ERC1: variants seen among roughly 807,000 people sequenced by gnomAD.
ERC1 encodes the protein ELKS/RAB6-interacting/CAST family member 1, also known as RAB6 interacting protein 2.
ERC1 carries 56 observed loss-of-function variants against 132.0 expected under a neutral mutation model. The observed-to-expected ratio is 0.42, with a 90% CI of 0.34 to 0.53. The LOEUF (loss-of-function observed/expected upper bound fraction) is 0.53, where lower values mean the gene tolerates loss of function less well. ERC1 is among the 20% of genes least tolerant of loss of function. The pLI is 0.03. For synonymous variants in ERC1, 478 were observed against 476.1 expected, an observed-to-expected ratio of 1.00 and a Z score of -0.05; for missense variants, 1,202 against 1,349.9, an observed-to-expected ratio of 0.89 and a Z score of 1.72.
chr12:991,713 A>T (rs1480769560), intron 1 of ERC1: 1 of 152,212 alleles, frequency 6.6e-6, no homozygotes, highest in Non-Finnish European at 1.5e-5. Context: ...AGGACTAGTG[A>T]AGCCGCGGAC....
intron 17 of ERC1, chr12:1,410,342 C>A: frequency 2.3e-6 from 2 of 880,560 alleles, no homozygotes; most frequent in Non-Finnish European, 3.3e-6. Flanking sequence ...CTTTTTCATT[C>A]CATGCTGCCC....
At chr12:1,219,119 C>A (rs147039054) in intron 12 of ERC1, among the ~76,000 whole-genome samples, 1 of 152,004 alleles carries the variant, frequency 6.6e-6, no homozygotes, top group African/African-American at 2.4e-5. Flanking sequence ...GTGATCCACC[C>A]GCCTTGGCCT....
intron 8 of ERC1, among the ~76,000 whole-genome samples, chr12:1,160,366 G>A (rs1951776989): frequency 1.3e-5 from 2 of 152,114 alleles, no homozygotes; most frequent in East Asian, 1.9e-4. Context: ...AGCTCACTTT[G>A]TTTGCAGGTC....
At chr12:1,009,345 T>C (rs890064541) in intron 1 of ERC1, among the ~76,000 whole-genome samples, 6 of 152,100 alleles carry the variant, frequency 3.9e-5, no homozygotes, top group African/African-American at 1.4e-4. Flanking sequence ...CGGCTAATTT[T>C]TTGTATTTTT....
intron 15 of ERC1, among the ~76,000 whole-genome samples, chr12:1,302,756 A>G (rs879833837): frequency 1.3e-5 from 2 of 152,116 alleles, no homozygotes; most frequent in Admixed American, 1.3e-4. Context: ...GCTTGAGCCC[A>G]GGAGTTCAGG....
intron 15 of ERC1, among the ~76,000 whole-genome samples, chr12:1,347,672 A>G (rs137903281): frequency 3.5e-4 from 54 of 152,344 alleles, no homozygotes; most frequent in African/African-American, 1.2e-3. Context: ...TCCCAGGTTA[A>G]GAATTCAAGG....
intron 8 of ERC1, among the ~76,000 whole-genome samples, chr12:1,148,382 C>G (rs1050140139): frequency 1.3e-5 from 2 of 152,118 alleles, no homozygotes; most frequent in Non-Finnish European, 2.9e-5. Flanking sequence ...GAGACAGACA[C>G]ACACACACAC....
intron 12 of ERC1, among the ~76,000 whole-genome samples, chr12:1,203,257 C>T (rs916816984): frequency 9.2e-5 from 14 of 152,128 alleles, no homozygotes; most frequent in Non-Finnish European, 7.4e-5. Flanking sequence ...GGGGTTTCAC[C>T]GTGTTGGCTA....
intron 2 of ERC1, among the ~76,000 whole-genome samples, chr12:1,052,445 G>A (rs186705491): frequency 4.6e-5 from 7 of 152,130 alleles, no homozygotes; most frequent in East Asian, 1.9e-4. Flanking sequence ...ATAATAAACC[G>A]CTGTGTTTTA....
intron 15 of ERC1, among the ~76,000 whole-genome samples, chr12:1,354,515 C>T (rs1455179354): frequency 7.1e-6 from 1 of 139,918 alleles, no homozygotes; most frequent in Admixed American, 7.1e-5. Context: ...AAGAGTGAAA[C>T]TCCATCTTAA....
chr12:1,122,575 C>A lies in ERC1; in HGVS notation c.1569+6542C>A, dbSNP rs12301993. On this transcript the variant is annotated intron_variant, in intron 7 of 18. Coordinates refer to ENST00000360905, the MANE Select transcript of ERC1 (RefSeq NM_178040.4). ...TCTATCTCTATCTCTATCTGTGTCT[C>A]TATCTCTATCTCTATCTCTATCTGT... 4.4e-3 allele frequency among the ~76,000 whole-genome samples: 41 copies of A among 9,374 alleles called. 4 individuals carry two copies. The highest frequency in any genetic ancestry group is 0.015 in the South Asian group (4 of 260). The allele number at this position is 9,374 out of a possible 152,430, so 6.1% of individuals were successfully genotyped here.
intron 7 of ERC1, among the ~76,000 whole-genome samples, chr12:1,131,431 A>T (rs1322627975): frequency 6.6e-6 from 1 of 152,210 alleles, no homozygotes; most frequent in African/African-American, 2.4e-5. Context: ...TTATTGATTT[A>T]AAACAAAGGA....
intron 2 of ERC1, among the ~76,000 whole-genome samples, chr12:1,049,230 T>A (rs1301545014): frequency 1.3e-5 from 2 of 152,196 alleles, no homozygotes; most frequent in Non-Finnish European, 2.9e-5. Context: ...TCCTCAGAAG[T>A]CACTGTTCTG....
chr12:1,230,028 T>C (rs1306901434), intron 12 of ERC1, among the ~76,000 whole-genome samples: 1 of 144,582 alleles, frequency 6.9e-6, no homozygotes, highest in Non-Finnish European at 1.5e-5. Context: ...TTTTTTTGAG[T>C]TGGAGTCTCA....
intron 8 of ERC1, among the ~76,000 whole-genome samples, chr12:1,154,949 CTG>C (rs1951226012): frequency 6.6e-6 from 1 of 152,214 alleles, no homozygotes; most frequent in African/African-American, 2.4e-5. Context: ...CTCTTACACA[CTG>C]TTGGAGCAAA....
At chr12:1,372,090 T>C in intron 16 of ERC1, 113 bp downstream of exon 16, 1 of 1,244,178 alleles carries the variant, frequency 8.0e-7, no homozygotes, top group Non-Finnish European at 1.1e-6. Context: ...AGACATCTGA[T>C]CATTGGAGCT....
At chr12:1,224,004 G>C (rs1487643342) in intron 12 of ERC1, among the ~76,000 whole-genome samples, 1 of 152,096 alleles carries the variant, frequency 6.6e-6, no homozygotes, top group African/African-American at 2.4e-5. Flanking sequence ...TAAGGAAAAA[G>C]AAGGAAATTC....
intron 15 of ERC1, among the ~76,000 whole-genome samples, chr12:1,321,481 A>G (rs2082115107): frequency 6.6e-6 from 1 of 152,206 alleles, no homozygotes; most frequent in Non-Finnish European, 1.5e-5. Flanking sequence ...AGTTGTCAGC[A>G]TGGAAAATGC....
rs141289090 is a variant in ERC1, at chr12:1,421,628, A to C, written c.3024+13381A>C. Among the ~76,000 whole-genome samples, 312 of 152,320 alleles carry C rather than the reference A, an allele frequency of 2.0e-3. 3 individuals carry two copies. Among genetic ancestry groups the C allele is most frequent in the African/African-American group, 7.1e-3 (296 of 41,578 alleles). ...CTTAAAGACCAATCTTAGGTTTTAC[A>C]ACAGTGATGTTATCTATAGGAGTAA... On this transcript the variant is annotated intron_variant, in intron 17 of 18. Transcript: ENST00000360905.
Sources: gnomAD v4.1 joint callset for allele counts (sites outside exome capture counted in the v4.1 genomes callset) on GRCh38, gnomAD v4.1.1 for gene constraint, MANE v1.5 for transcripts, NCBI Gene and HGNC (gene_info 2026-07-23, HGNC 2026-07-21) for gene names.